The following DYRK2 variants were observed in gnomAD, a reference collection of about 807,000 sequenced individuals.
DYRK2 encodes dual specificity tyrosine phosphorylation regulated kinase 2.
A neutral mutation model predicts 41.6 loss-of-function variants in DYRK2; 12 were observed. That is an observed-to-expected ratio of 0.29 (90% confidence interval 0.18 to 0.47). The LOEUF is 0.47. Among genes scored for constraint, DYRK2 ranks in the 20% least tolerant of loss-of-function variants. The pLI is 1.00. For missense variants in DYRK2, 678 were observed against 798.4 expected (o/e 0.85, Z 1.82); for synonymous variants, 322 against 315.7 (o/e 1.02, Z -0.21).
chr12:67,652,856 G>A lies in DYRK2; in HGVS notation c.198+2911G>A, dbSNP rs573167548. Among the ~76,000 whole-genome samples, 13 of 152,188 alleles carry A rather than the reference G, an allele frequency of 8.5e-5. No homozygotes were observed. The East Asian group carries it at 1.2e-3, about 14-fold the overall frequency. On this transcript the variant is annotated intron_variant, in intron 2 of 2. Coordinates refer to ENST00000344096, the MANE Select transcript of DYRK2 (RefSeq NM_006482.3). ...TTTTGTTTTGTTTTTTTGAGACGGA[G>A]TCTCACTCTGTTGCCCAGGCTGGAG...
chr12:67,659,494 C>G lies in DYRK2; in HGVS notation c.*781C>G, dbSNP rs959653922. Reference sequence around the variant, plus strand: ...ATTCCATGAACTGTTCCTCCCTTTTCTCTGCTTTTCTCCTCTCTGTTCCTC... The same window carrying G: ...ATTCCATGAACTGTTCCTCCCTTTTGTCTGCTTTTCTCCTCTCTGTTCCTC... On this transcript the variant is annotated 3_prime_UTR_variant, in exon 3 of 3. Transcript: ENST00000344096. The G allele has an allele frequency of 9.0e-5, 15 of 167,106 alleles. No individual in the cohort carries two copies. Among genetic ancestry groups the G allele is most frequent in the African/African-American group, 3.6e-4 (15 of 41,446 alleles). The allele number at this position is 167,106 out of a possible 1,614,324, so 10.4% of individuals were successfully genotyped here.
At position 67,648,966 on chromosome 12, in the gene DYRK2, G is replaced by C. The variant is rs1872216254; in HGVS notation, c.-168G>C. On this transcript the variant is annotated 5_prime_UTR_variant, in exon 1 of 3. Transcript: ENST00000344096. ...CGCGGCGGCGGGCCCCGGCCGAGGG[G>C]ATGCAGTGGACTGTGTGTGTCTGGC... 1 of 443,814 alleles carries C rather than the reference G, an allele frequency of 2.3e-6. No individual in the cohort carries two copies. The highest frequency in any genetic ancestry group is 3.8e-6 in the Non-Finnish European group (1 of 261,522). 27.5% of individuals were successfully genotyped at this position (443,814 alleles called of 1,614,324 possible). A position where few individuals can be genotyped will look rare whatever the true frequency, so the allele number is the denominator to read the frequency against.
intron 2 of DYRK2, among the ~76,000 whole-genome samples, chr12:67,655,385 C>T (rs953715843): frequency 1.9e-4 from 29 of 152,238 alleles, no homozygotes; most frequent in Non-Finnish European, 3.4e-4. Flanking sequence ...GGAGAGGGTG[C>T]AGAGAGCGAG....
Position 67,648,816 on chromosome 12 carries a change from C to T in DYRK2, c.-318C>T, listed in dbSNP as rs1190866620. On this transcript the variant is annotated 5_prime_UTR_variant, in exon 1 of 3. Transcript: ENST00000344096. ...TCGCAGCGCTTCCAGCTCCCCGCGC[C>T]CCTATGTGAGGGAGACGGGGAGGCC... The T allele has an allele frequency of 1.1e-5, 2 of 189,812 alleles. No individual in the cohort carries two copies. The highest frequency in any genetic ancestry group is 2.4e-5 in the African/African-American group (1 of 41,876). The allele number at this position is 189,812 out of a possible 1,614,324, so 11.8% of individuals were successfully genotyped here.
chr12:67,662,611 TTTA>T lies in DYRK2; in HGVS notation c.*3901_*3903del, dbSNP rs1460896162. ...ACTGTTTAGTGAATATCTGTTAAAT[TTTA>T]TTGTTGTGGCCAGAGATAATTTCAG... On this transcript the variant is annotated 3_prime_UTR_variant, in exon 3 of 3. Transcript: ENST00000344096. The T allele has an allele frequency of 3.6e-5, 6 of 166,778 alleles. No homozygotes were observed. Among genetic ancestry groups the T allele is most frequent in the African/African-American group, 1.4e-4 (6 of 41,462 alleles). The allele number at this position is 166,778 out of a possible 1,614,324, so 10.3% of individuals were successfully genotyped here.
Position 67,649,174 on chromosome 12 carries a change from A to G in DYRK2, c.41A>G (p.Tyr14Cys), listed in dbSNP as rs767310972. The G allele has an allele frequency of 6.6e-7, 1 of 1,510,330 alleles. No homozygotes were observed. Among genetic ancestry groups the G allele is most frequent in the East Asian group, 2.8e-5 (1 of 35,156 alleles). 93.6% of individuals were successfully genotyped at this position (1,510,330 alleles called of 1,614,324 possible). Residue 14 changes from tyrosine (Y) to cysteine (C), a missense_variant, in exon 1 of 3, where the codon TAC becomes TGC. Transcript: ENST00000344096. ...CCTTCGGCCGCCGCTCCCGCCGCCT[A>G]CCCGACCGGTAAGGAGGCCGTGCCG... ...RKPSAAAPAA[Y>C]PTGRGGDSAV...
chr12:67,651,638 A>G (rs1045246591), intron 2 of DYRK2: 3 of 455,446 alleles, frequency 6.6e-6, no homozygotes, highest in African/African-American at 4.0e-5. Context: ...GCTGTTAATT[A>G]TTAGATGCTT....
rs916905791 is a variant in DYRK2 at position 67,662,174 on chromosome 12, A to T, written c.*3461A>T. The T allele has an allele frequency of 1.2e-5, 2 of 166,886 alleles. No homozygotes were observed. The highest frequency in any genetic ancestry group is 1.9e-4 in the East Asian group (1 of 5,202). The allele number at this position is 166,886 out of a possible 1,614,324, so 10.3% of individuals were successfully genotyped here. On this transcript the variant is annotated 3_prime_UTR_variant, in exon 3 of 3. Coordinates refer to ENST00000344096, the MANE Select transcript of DYRK2 (RefSeq NM_006482.3). The stretch of plus-strand genomic sequence containing the variant: ...ATTTCTGGTAAGCAGAAGACTTTTT[A>T]AAAAAACTGATCTGGTCTCGGTAAA...
In DYRK2 at chr12:67,658,443, A is replaced by G; in HGVS notation, c.1536A>G (p.Leu512=). 3 of 1,593,072 alleles carry G rather than the reference A, an allele frequency of 1.9e-6. No individual in the cohort carries two copies. Among genetic ancestry groups the G allele is most frequent in the South Asian group, 2.3e-5 (2 of 87,132 alleles). ...ATGATCCCCTTTTCCTTGACTTCTTAAAACAGTGTTTAGAGTGGGATCCTG... is the reference window on the plus strand; with the variant it reads ...ATGATCCCCTTTTCCTTGACTTCTTGAAACAGTGTTTAGAGTGGGATCCTG... ...GCDDPLFLDF[L]KQCLEWDPAV... is the part of the protein sequence containing the mutation. Residue 512 remains leucine, a synonymous_variant, in exon 3 of 3, where the codon TTA becomes TTG. Transcript: ENST00000344096. This position sits in a 1 kb window ranked among gnomAD's most constrained non-coding sequence, Gnocchi z 4.3.
intron 2 of DYRK2, among the ~76,000 whole-genome samples, chr12:67,650,219 G>C (rs1362606538): frequency 2.0e-5 from 3 of 152,228 alleles, no homozygotes; most frequent in Non-Finnish European, 4.4e-5. Context: ...CTTCCTCCTT[G>C]CTGCTTTCCT....
chr12:67,650,935 G>A (rs1335259951), intron 2 of DYRK2, among the ~76,000 whole-genome samples: 1 of 152,236 alleles, frequency 6.6e-6, no homozygotes, highest in Non-Finnish European at 1.5e-5. Flanking sequence ...GCCATCTCCG[G>A]TCTACAGGGG....
rs1266258555 is a variant in DYRK2 at position 67,661,225 on chromosome 12, G to C, written c.*2512G>C. ...ATTGTCATGTCAAAAAAAGAAAAAT[G>C]TTGCATCTTTGTGATTTTAAAACAT... On this transcript the variant is annotated 3_prime_UTR_variant, in exon 3 of 3. Transcript: ENST00000344096. 1 of 166,800 alleles carries C rather than the reference G, an allele frequency of 6.0e-6. No homozygotes were observed. The highest frequency in any genetic ancestry group is 1.9e-4 in the East Asian group (1 of 5,194). 10.3% of individuals were successfully genotyped at this position (166,800 alleles called of 1,614,324 possible). A position where few individuals can be genotyped will look rare whatever the true frequency, so the allele number is the denominator to read the frequency against.
At chr12:67,655,557 C>T (rs930299798) in intron 2 of DYRK2, among the ~76,000 whole-genome samples, 3 of 152,164 alleles carry the variant, frequency 2.0e-5, no homozygotes, top group Admixed American at 1.3e-4. Flanking sequence ...CATGGAGTAT[C>T]ATCTATGAGT....
chr12:67,658,444 A>G lies in DYRK2; in HGVS notation c.1537A>G (p.Lys513Glu). The change falls in exon 3 of 3, where the codon AAA (lysine) becomes GAA (glutamate). Residue 513 changes from lysine (K) to glutamate (E), a missense_variant. By Grantham distance (56) the Lys-to-Glu change is moderately conservative. This residue lies in a region of DYRK2 where 393 missense variants were observed against 519.1 expected (regional missense o/e 0.76). Coordinates refer to ENST00000344096, the MANE Select transcript of DYRK2 (RefSeq NM_006482.3). This position sits in a 1 kb window ranked among gnomAD's most constrained non-coding sequence, Gnocchi z 4.3. ...CDDPLFLDFL[K>E]QCLEWDPAVR... ...TGATCCCCTTTTCCTTGACTTCTTA[A>G]AACAGTGTTTAGAGTGGGATCCTGC... 1 of 1,593,312 alleles carries G rather than the reference A, an allele frequency of 6.3e-7. No homozygotes were observed. Among genetic ancestry groups the G allele is most frequent in the Non-Finnish European group, 8.5e-7 (1 of 1,170,058 alleles).
intron 2 of DYRK2, among the ~76,000 whole-genome samples, chr12:67,656,469 G>T (rs1396707670): frequency 6.6e-6 from 1 of 152,152 alleles, no homozygotes; most frequent in Non-Finnish European, 1.5e-5. Context: ...TTAAAAATAG[G>T]TCAGGGGTCC....
chr12:67,651,919 A>G (rs1872332216), intron 2 of DYRK2, among the ~76,000 whole-genome samples: 2 of 152,198 alleles, frequency 1.3e-5, no homozygotes, highest in African/African-American at 4.8e-5. Context: ...ATTCTAGGAA[A>G]TTGTACTAGC....
In DYRK2 at chr12:67,657,308, A is replaced by G; in HGVS notation, c.401A>G (p.Gln134Arg). ...ERQLDSIHRR[Q>R]GSSTSLKSME... ...CAGCTGGACAGCATTCATAGACGGC[A>G]GGGGAGCTCCACCTCTCTAAAGTCC... Residue 134 changes from glutamine (Q) to arginine (R), a missense_variant, in exon 3 of 3, where the codon CAG becomes CGG. Transcript: ENST00000344096. This position sits in a 1 kb window ranked among gnomAD's most constrained non-coding sequence, Gnocchi z 4.8. 6.2e-7 allele frequency: 1 copy of G among 1,613,958 alleles called. No homozygotes were observed. Among genetic ancestry groups the G allele is most frequent in the Non-Finnish European group, 8.5e-7 (1 of 1,179,936 alleles).
rs985279548 is a variant in DYRK2, at chr12:67,661,173, G to A, written c.*2460G>A. Reference sequence around the variant, plus strand: ...TGCCACATCTCAGCATTTAGTAATAGAGCTGCTTTAATAAAATTCTAGTTT... The same window carrying A: ...TGCCACATCTCAGCATTTAGTAATAAAGCTGCTTTAATAAAATTCTAGTTT... On this transcript the variant is annotated 3_prime_UTR_variant, in exon 3 of 3. Coordinates refer to ENST00000344096, the MANE Select transcript of DYRK2 (RefSeq NM_006482.3). The A allele has an allele frequency of 1.8e-5, 3 of 166,128 alleles. No homozygotes were observed. The highest frequency in any genetic ancestry group is 7.3e-5 in the African/African-American group (3 of 41,162). 10.3% of individuals were successfully genotyped at this position (166,128 alleles called of 1,614,324 possible).
intron 1 of DYRK2, among the ~76,000 whole-genome samples, chr12:67,649,486 C>T (rs1326418991): frequency 6.6e-6 from 1 of 151,670 alleles, no homozygotes; most frequent in African/African-American, 2.4e-5. Flanking sequence ...GCTCCCTGCT[C>T]AGCTGTCCAA....
Sources: gnomAD v4.1 joint callset for allele counts (sites outside exome capture counted in the v4.1 genomes callset) on GRCh38, gnomAD v4.1.1 for gene constraint, gnomAD v4.1.1 regional missense constraint, Gnocchi (gnomAD v3.1) non-coding constraint, MANE v1.5 for transcripts, NCBI Gene and HGNC (gene_info 2026-07-23, HGNC 2026-07-21) for gene names.